Variants in TRPC5OS observed in about 807,000 individuals in gnomAD.
TRPC5OS encodes the protein putative uncharacterized protein TRPC5OS.
For synonymous variants in TRPC5OS, 30 were observed against 29.3 expected, an observed-to-expected ratio of 1.02 and a Z score of -0.08; for missense variants, 64 against 79.3, an observed-to-expected ratio of 0.81 and a Z score of 0.73.
chrX:111,888,691 CT>C (rs1230085956), intron 1 of TRPC5OS, among the ~76,000 whole-genome samples: 1 of 40,158 alleles, frequency 2.5e-5, no homozygotes, highest in Non-Finnish European at 3.5e-5. Flanking sequence ...GAGACTCTAT[CT>C]CAAAAAAAAA....
At chrX:111,879,919 T>C (rs1228683504) in intron 1 of TRPC5OS, among the ~76,000 whole-genome samples, 11 of 86,077 alleles carry the variant, frequency 1.3e-4, no homozygotes, top group African/African-American at 1.1e-3. Flanking sequence ...TTCCTCTTCA[T>C]TTTTTTTTTT....
At chrX:111,881,800 C>T (rs775590154) in intron 1 of TRPC5OS, 1 of 111,211 alleles carries the variant, frequency 9.0e-6, no homozygotes, top group Non-Finnish European at 1.9e-5. Context: ...AAGTTTGTTA[C>T]AAACTTGTTA....
In TRPC5OS at chrX:111,901,931, T is replaced by A; in HGVS notation, c.82T>A (p.Leu28Ile). Residue 28 changes from leucine to isoleucine, a missense_variant, in exon 4 of 4, where the codon TTA (leucine) becomes ATA (isoleucine). Transcript: ENST00000635763. The part of the protein sequence containing the change: ...AQLIRIADEL[L>I]QFILQVQEVP... ...GTTAATAAGAATAGCTGATGAGCTT[T>A]TACAATTCATTCTACAAGTACAAGA... The A allele has an allele frequency of 2.6e-6, 3 of 1,154,953 alleles. No individual in the cohort carries two copies. The highest frequency in any genetic ancestry group is 3.4e-6 in the Non-Finnish European group (3 of 872,291).
At position 111,901,952 on chromosome X, in the gene TRPC5OS, C is replaced by T; in HGVS notation, c.103C>T (p.Gln35Ter). ...DELLQFILQV[Q>*]EVPYVEENGR... ...GCTTTTACAATTCATTCTACAAGTA[C>T]AAGAAGTTCCTTATGTAGAAGAAAA... is the stretch of plus-strand genomic sequence containing the variant. The change falls in exon 4 of 4, where the codon CAA becomes TAA. Residue 35 changes from glutamine (Q) to a stop codon, truncating the protein, a stop_gained. Coordinates refer to ENST00000635763, the MANE Select transcript of TRPC5OS (RefSeq NM_001195578.2). LOFTEE classifies it low-confidence loss of function (END_TRUNC). The T allele has an allele frequency of 3.5e-6, 4 of 1,154,303 alleles. No individual in the cohort carries two copies. Among genetic ancestry groups the T allele is most frequent in the Non-Finnish European group, 4.6e-6 (4 of 871,674 alleles).
chrX:111,892,724 GTCA>G (rs1312170286), intron 1 of TRPC5OS, among the ~76,000 whole-genome samples: 8 of 111,811 alleles, frequency 7.2e-5, no homozygotes, highest in African/African-American at 2.6e-4. Flanking sequence ...CAAGCTCAAA[GTCA>G]TCATCTAATA....
At chrX:111,889,356 T>C (rs1233134992) in intron 1 of TRPC5OS, among the ~76,000 whole-genome samples, 2 of 112,334 alleles carry the variant, frequency 1.8e-5, no homozygotes, top group African/African-American at 6.5e-5. Flanking sequence ...ACCTTGGTAA[T>C]ATCAGTCATA....
At chrX:111,882,071 C>T (rs944211881) in intron 1 of TRPC5OS, 1 of 110,117 alleles carries the variant, frequency 9.1e-6, no homozygotes, top group African/African-American at 3.3e-5. Context: ...GGGCAAAAGC[C>T]GTAAAGTCAC....
At chrX:111,885,500 TA>T (rs200099189) in intron 1 of TRPC5OS, among the ~76,000 whole-genome samples, 2,904 of 110,458 alleles carry the variant, frequency 0.026, 94 homozygotes, top group African/African-American at 0.092. Context: ...GAAAACCCCT[TA>T]TTCCTGGAAA....
chrX:111,896,463 T>C lies in TRPC5OS; in HGVS notation c.-343T>C, dbSNP rs1925071268. ...TGCAAATTGTTTAATAGGCCGAGCC[T>C]TGATATCCGCATCCCTCTCAGCTCT... On this transcript the variant is annotated 5_prime_UTR_variant, in exon 3 of 4. Coordinates refer to ENST00000635763, the MANE Select transcript of TRPC5OS (RefSeq NM_001195578.2). The C allele has an allele frequency of 9.1e-6, 1 of 110,300 alleles. No individual in the cohort carries two copies. Among genetic ancestry groups the C allele is most frequent in the South Asian group, 4.0e-4 (1 of 2,529 alleles). 9.1% of individuals were successfully genotyped at this position (110,300 alleles called of 1,213,427 possible). A position where few individuals can be genotyped will look rare whatever the true frequency, so the allele number is the denominator to read the frequency against.
chrX:111,889,292 G>A (rs900579123), intron 1 of TRPC5OS, among the ~76,000 whole-genome samples: 1 of 111,516 alleles, frequency 9.0e-6, no homozygotes, highest in Non-Finnish European at 1.9e-5. Flanking sequence ...TTTAGCAAGG[G>A]TAGTAAGGTG....
chrX:111,898,091 G>A (rs772553475), intron 3 of TRPC5OS, among the ~76,000 whole-genome samples: 22 of 109,236 alleles, frequency 2.0e-4, no homozygotes, highest in African/African-American at 4.6e-4. Flanking sequence ...AGTATATTGC[G>A]GTATCTTAGT....
intron 3 of TRPC5OS, among the ~76,000 whole-genome samples, chrX:111,899,228 C>T (rs114813910): frequency 0.15 from 16,574 of 110,163 alleles, 2,183 homozygotes; most frequent in African/African-American, 0.43. Context: ...CTGAGTCCCC[C>T]GCCCCACAAA....
At chrX:111,877,099 G>GT (rs1449824978) in intron 1 of TRPC5OS, among the ~76,000 whole-genome samples, 4 of 111,853 alleles carry the variant, frequency 3.6e-5, no homozygotes, top group Non-Finnish European at 7.5e-5. Context: ...AGGGATGGGA[G>GT]TAGGGTGATA....
intron 3 of TRPC5OS, among the ~76,000 whole-genome samples, chrX:111,897,483 C>T (rs116763278): frequency 0.17 from 18,473 of 110,601 alleles, 2,813 homozygotes; most frequent in African/African-American, 0.49. Context: ...CACAACCGTA[C>T]CTAAACATGA....
intron 1 of TRPC5OS, among the ~76,000 whole-genome samples, chrX:111,879,725 G>GATT (rs1569527140): frequency 8.9e-6 from 1 of 112,618 alleles, no homozygotes; most frequent in Non-Finnish European, 1.9e-5. Context: ...AGATAGGCAT[G>GATT]ATTAGTATCT....
intron 3 of TRPC5OS, among the ~76,000 whole-genome samples, chrX:111,898,690 A>G (rs929394858): frequency 2.7e-5 from 3 of 110,788 alleles, no homozygotes; most frequent in Non-Finnish European, 5.7e-5. Flanking sequence ...AAGGTGAGAG[A>G]CAGAAAAACA....
chrX:111,901,806 A>T lies in TRPC5OS; in HGVS notation c.-44A>T. On this transcript the variant is annotated 5_prime_UTR_variant, in exon 4 of 4. Transcript: ENST00000635763. ...CATTGTCACCAAGAGTCCATTTGCT[A>T]GAGCTTTTAGTGATATTTTATCTAT... is the stretch of plus-strand genomic sequence containing the variant. 1.0e-6 allele frequency: 1 copy of T among 993,654 alleles called. No homozygotes were observed. The highest frequency in any genetic ancestry group is 1.3e-6 in the Non-Finnish European group (1 of 754,681). The allele number at this position is 993,654 out of a possible 1,213,427, so 81.9% of individuals were successfully genotyped here. A position where few individuals can be genotyped will look rare whatever the true frequency, so the allele number is the denominator to read the frequency against.
chrX:111,884,424 A>T (rs1226752711), intron 1 of TRPC5OS, among the ~76,000 whole-genome samples: 2 of 112,658 alleles, frequency 1.8e-5, no homozygotes, highest in African/African-American at 6.4e-5. Context: ...GCCTAATTAA[A>T]GGCTAGCCAT....
intron 1 of TRPC5OS, among the ~76,000 whole-genome samples, chrX:111,892,602 G>A (rs1057043134): frequency 2.7e-5 from 3 of 111,678 alleles, no homozygotes; most frequent in African/African-American, 9.8e-5. Context: ...AGACTAGGAG[G>A]ATTTGCTAAT....
Sources: allele counts gnomAD v4.1 joint callset (sites outside exome capture counted in the v4.1 genomes callset), GRCh38; gene constraint gnomAD v4.1.1; transcripts MANE v1.5; gene names NCBI Gene and HGNC (gene_info 2026-07-23, HGNC 2026-07-21).